NKAIN2: variants seen among roughly 807,000 people sequenced by gnomAD.
The protein encoded by NKAIN2 is sodium/potassium transporting ATPase interacting 2.
In NKAIN2, 14 loss-of-function variants were observed where a neutral mutation model predicts 32.6. The observed-to-expected ratio is 0.43, with a 90% CI of 0.28 to 0.67. The LOEUF (loss-of-function observed/expected upper bound fraction) is 0.67, where lower values mean the gene tolerates loss of function less well. NKAIN2 is among the 30% of genes least tolerant of loss of function. NKAIN2 has a pLI of 0.17. For synonymous variants in NKAIN2, 80 were observed against 87.2 expected, an observed-to-expected ratio of 0.92 and a Z score of 0.46; for missense variants, 198 against 258.3, an observed-to-expected ratio of 0.77 and a Z score of 1.60.
chr6:124,211,895 A>G (rs753478890), intron 1 of NKAIN2, among the ~76,000 whole-genome samples: 1 of 152,084 alleles, frequency 6.6e-6, no homozygotes, highest in Non-Finnish European at 1.5e-5. Context: ...GATTGGATAT[A>G]TTCACTTTTC....
intron 3 of NKAIN2, among the ~76,000 whole-genome samples, chr6:124,632,782 C>G (rs562953895): frequency 7.9e-5 from 12 of 152,242 alleles, no homozygotes; most frequent in Middle Eastern, 3.4e-3. Context: ...GATCTATGTC[C>G]TTGCCAGGCT....
At chr6:124,347,535 C>T (rs1053578094) in intron 2 of NKAIN2, among the ~76,000 whole-genome samples, 2 of 152,042 alleles carry the variant, frequency 1.3e-5, no homozygotes, top group Non-Finnish European at 2.9e-5. Context: ...TGTTCGTTTC[C>T]TTTTATTCTT....
At chr6:124,759,795 TGA>T (rs1778173065) in intron 4 of NKAIN2, among the ~76,000 whole-genome samples, 1 of 151,866 alleles carries the variant, frequency 6.6e-6, no homozygotes, top group Non-Finnish European at 1.5e-5. Flanking sequence ...TGGAGCCTAA[TGA>T]GAGGTGTTGA....
intron 1 of NKAIN2, among the ~76,000 whole-genome samples, chr6:123,849,408 G>A (rs2114953175): frequency 6.6e-6 from 1 of 152,156 alleles, no homozygotes; most frequent in East Asian, 1.9e-4. Flanking sequence ...ATCCCAGGAG[G>A]AGGTGGGTGT....
intron 3 of NKAIN2, among the ~76,000 whole-genome samples, chr6:124,406,336 C>G (rs1042388725): frequency 1.3e-5 from 2 of 152,032 alleles, no homozygotes; most frequent in Non-Finnish European, 2.9e-5. Flanking sequence ...ATTGATCATA[C>G]AATATGTATG....
chr6:124,485,530 A>T (rs1032660937), intron 3 of NKAIN2, among the ~76,000 whole-genome samples: 23 of 152,090 alleles, frequency 1.5e-4, no homozygotes, highest in African/African-American at 5.3e-4. Context: ...AGTTAAAATA[A>T]AATATGTTTT....
chr6:124,236,721 T>TA (rs1792784818), intron 1 of NKAIN2, among the ~76,000 whole-genome samples: 1 of 152,226 alleles, frequency 6.6e-6, no homozygotes, highest in South Asian at 2.1e-4. Flanking sequence ...AGGGCTAGTA[T>TA]AAAAGGCAAC....
intron 6 of NKAIN2, chr6:124,819,153 C>G (rs1455817029): frequency 1.1e-6 from 1 of 946,280 alleles, no homozygotes; most frequent in Non-Finnish European, 1.3e-6. Flanking sequence ...TGCTGAATTG[C>G]AAGCGAAGAT....
intron 3 of NKAIN2, among the ~76,000 whole-genome samples, chr6:124,382,496 G>A (rs1356035904): frequency 6.6e-6 from 1 of 152,078 alleles, no homozygotes; most frequent in Non-Finnish European, 1.5e-5. Flanking sequence ...TTCTATGATA[G>A]GCCTTTTCCA....
chr6:124,668,498 CT>C (rs769621698), intron 4 of NKAIN2, among the ~76,000 whole-genome samples: 18 of 152,256 alleles, frequency 1.2e-4, no homozygotes, highest in Non-Finnish European at 2.2e-4. Context: ...TCCCTACCCC[CT>C]GTTCCATAAC....
At chr6:124,771,432 A>G (rs1778751549) in intron 4 of NKAIN2, among the ~76,000 whole-genome samples, 3 of 152,214 alleles carry the variant, frequency 2.0e-5, no homozygotes, top group Admixed American at 6.5e-5. Context: ...AATTGAAGCT[A>G]CCTGAAAATA....
intron 1 of NKAIN2, among the ~76,000 whole-genome samples, chr6:123,896,358 T>A (rs73551363): frequency 0.016 from 2,425 of 152,304 alleles, 65 homozygotes; most frequent in African/African-American, 0.056. Context: ...CAAATCCATC[T>A]TATTCTAGAA....
At chr6:123,827,834 C>T (rs1015551695) in intron 1 of NKAIN2, among the ~76,000 whole-genome samples, 2 of 151,576 alleles carry the variant, frequency 1.3e-5, no homozygotes, top group African/African-American at 4.9e-5. Context: ...AAAAAAATTA[C>T]AGAGTAGAAT....
intron 3 of NKAIN2, among the ~76,000 whole-genome samples, chr6:124,370,312 G>A (rs764476081): frequency 2.6e-5 from 4 of 151,696 alleles, no homozygotes; most frequent in Non-Finnish European, 5.9e-5. Flanking sequence ...CTTCTCTTCC[G>A]CCTCTTTATA....
At chr6:123,832,141 C>T (rs541636956) in intron 1 of NKAIN2, among the ~76,000 whole-genome samples, 49 of 152,258 alleles carry the variant, frequency 3.2e-4, no homozygotes, top group Non-Finnish European at 4.4e-4. Context: ...CATCTCTGCG[C>T]CCCAGCCAAC....
intron 1 of NKAIN2, among the ~76,000 whole-genome samples, chr6:124,263,154 C>CT (rs1184273567): frequency 1.3e-5 from 2 of 152,128 alleles, no homozygotes; most frequent in African/African-American, 2.4e-5. Context: ...GTTTAAGTCA[C>CT]TATGATGGCT....
At chr6:123,868,062 G>T (rs1341789239) in intron 1 of NKAIN2, among the ~76,000 whole-genome samples, 1 of 151,976 alleles carries the variant, frequency 6.6e-6, no homozygotes, top group Non-Finnish European at 1.5e-5. Flanking sequence ...TAGAGACAGG[G>T]TTTCACTGTG....
chr6:124,634,517 T>C lies in NKAIN2; in HGVS notation c.274-23669T>C, dbSNP rs564351202. Among the ~76,000 whole-genome samples, 13 of 152,182 alleles carry C rather than the reference T, an allele frequency of 8.5e-5. No homozygotes were observed. The South Asian group carries it at 2.7e-3, about 32-fold the overall frequency. ...CAAGCAATGAAGGAATTTTTGAACT[T>C]GAAAAGGAGTCTTTTGAAATAAGCC... On this transcript the variant is annotated intron_variant, in intron 3 of 6. Transcript: ENST00000368417.
chr6:124,145,801 G>A (rs1787371069), intron 1 of NKAIN2, among the ~76,000 whole-genome samples: 1 of 152,032 alleles, frequency 6.6e-6, no homozygotes, highest in African/African-American at 2.4e-5. Flanking sequence ...CACCAAGCCT[G>A]GCCTGACAAA....
Sources: gnomAD v4.1 joint callset for allele counts (sites outside exome capture counted in the v4.1 genomes callset) on GRCh38, gnomAD v4.1.1 for gene constraint, MANE v1.5 for transcripts, NCBI Gene and HGNC (gene_info 2026-07-23, HGNC 2026-07-21) for gene names.